Variants in AKT3 observed in about 807,000 individuals in gnomAD.
AKT3 encodes AKT serine/threonine kinase 3, also known as RAC-gamma serine/threonine-protein kinase.
AKT3 carries 15 observed loss-of-function variants against 65.3 expected under a neutral mutation model. The observed-to-expected ratio is 0.23, with a 90% CI of 0.15 to 0.35. The LOEUF (loss-of-function observed/expected upper bound fraction) is 0.35, where lower values mean the gene tolerates loss of function less well. AKT3 is among the 10% of genes least tolerant of loss of function. AKT3 has a pLI of 1.00. For missense variants in AKT3, 243 were observed against 576.5 expected (o/e 0.42, Z 5.92); for synonymous variants, 206 against 183.8 (o/e 1.12, Z -0.98).
intron 2 of AKT3, among the ~76,000 whole-genome samples, chr1:243,816,537 C>T (rs558579870): frequency 3.4e-4 from 51 of 151,954 alleles, no homozygotes; most frequent in Non-Finnish European, 6.3e-4. Context: ...AAATAGATTA[C>T]ATAAAGTTAA....
At chr1:243,492,295 C>CTTGTTT (rs1553382284) in intron 13 of AKT3, among the ~76,000 whole-genome samples, 1 of 63,120 alleles carries the variant, frequency 1.6e-5, no homozygotes, top group Non-Finnish European at 2.6e-5. Flanking sequence ...CGTTTCTTGG[C>CTTGTTT]TTTTTTTTTT....
intron 2 of AKT3, among the ~76,000 whole-genome samples, chr1:243,779,321 A>G (rs1690760763): frequency 1.3e-5 from 2 of 152,076 alleles, no homozygotes; most frequent in African/African-American, 4.8e-5. Flanking sequence ...TAAAGTTTGT[A>G]GGGACTCCTA....
intron 9 of AKT3, among the ~76,000 whole-genome samples, chr1:243,571,519 A>C (rs1374621605): frequency 6.6e-6 from 1 of 152,174 alleles, no homozygotes; most frequent in Non-Finnish European, 1.5e-5. Flanking sequence ...ATTTCCTTAA[A>C]TCTAAGCCTC....
intron 2 of AKT3, among the ~76,000 whole-genome samples, chr1:243,720,084 G>A (rs971552128): frequency 2.0e-5 from 3 of 152,064 alleles, no homozygotes; most frequent in African/African-American, 7.2e-5. Flanking sequence ...AGGCTGTGGT[G>A]GGCAGATCAC....
At chr1:243,623,486 T>C (rs938258843) in intron 6 of AKT3, among the ~76,000 whole-genome samples, 4 of 152,030 alleles carry the variant, frequency 2.6e-5, no homozygotes, top group Non-Finnish European at 5.9e-5. Flanking sequence ...TCACCCACAA[T>C]GTGAGCAGAC....
At chr1:243,612,180 C>T (rs530943106) in intron 8 of AKT3, among the ~76,000 whole-genome samples, 3 of 152,148 alleles carry the variant, frequency 2.0e-5, no homozygotes, top group Admixed American at 1.3e-4. Context: ...ATGACCATGG[C>T]TCACTGCAGC....
At chr1:243,624,186 C>T (rs1198257643) in intron 6 of AKT3, among the ~76,000 whole-genome samples, 2 of 152,124 alleles carry the variant, frequency 1.3e-5, no homozygotes, top group Admixed American at 6.5e-5. Context: ...ACTCTGATGC[C>T]TAAATGGGTA....
intron 2 of AKT3, among the ~76,000 whole-genome samples, chr1:243,802,936 G>A (rs956012721): frequency 6.6e-6 from 1 of 152,192 alleles, no homozygotes; most frequent in African/African-American, 2.4e-5. Flanking sequence ...ATCGCTTGAG[G>A]CCAGGAGTTT....
chr1:243,728,857 A>T (rs1643413573), intron 2 of AKT3, among the ~76,000 whole-genome samples: 2 of 152,198 alleles, frequency 1.3e-5, no homozygotes, highest in South Asian at 2.1e-4. Context: ...AGGGAAACTT[A>T]GTTTTTCCTT....
At chr1:243,630,975 T>TA (rs1679563054) in intron 6 of AKT3, among the ~76,000 whole-genome samples, 1 of 35,586 alleles carries the variant, frequency 2.8e-5, no homozygotes, top group Non-Finnish European at 1.5e-4. Context: ...AAATAGCCTC[T>TA]TTTTTTTTTT....
chr1:243,750,009 C>T lies in AKT3; in HGVS notation c.47-54293G>A, dbSNP rs189053048. On this transcript the variant is annotated intron_variant, in intron 2 of 13. Coordinates refer to ENST00000673466, the MANE Select transcript of AKT3 (RefSeq NM_005465.7). ...TTCTCTTCCAATCTCCCTCATAACT[C>T]CTTCTCTGCTTTCTTCTCCTTCTCA... 4.7e-4 allele frequency among the ~76,000 whole-genome samples: 71 copies of T among 152,282 alleles called. 2 individuals are homozygous for T. In the East Asian group the frequency reaches 0.013, roughly 28 times the overall value.
intron 2 of AKT3, among the ~76,000 whole-genome samples, chr1:243,735,375 T>C (rs1464945116): frequency 6.6e-6 from 1 of 152,218 alleles, no homozygotes; most frequent in Non-Finnish European, 1.5e-5. Context: ...TATAATCTTA[T>C]GGGATCGCTG....
intron 2 of AKT3, among the ~76,000 whole-genome samples, chr1:243,773,862 C>T (rs569383326): frequency 1.3e-5 from 2 of 152,282 alleles, no homozygotes; most frequent in East Asian, 3.9e-4. Flanking sequence ...TTGAATTTTA[C>T]CATAAGAAAA....
At chr1:243,687,099 AC>A (rs1684380472) in intron 3 of AKT3, among the ~76,000 whole-genome samples, 2 of 152,116 alleles carry the variant, frequency 1.3e-5, no homozygotes, top group African/African-American at 4.8e-5. Context: ...AAGCAGTAGA[AC>A]CTAGTCCCAA....
intron 2 of AKT3, among the ~76,000 whole-genome samples, chr1:243,817,467 G>A (rs560703159): frequency 6.6e-6 from 1 of 152,342 alleles, no homozygotes; most frequent in African/African-American, 2.4e-5. Context: ...GAGGCCAGGC[G>A]TGGTGGCTCA....
chr1:243,518,420 T>A (rs1177656633), intron 12 of AKT3, among the ~76,000 whole-genome samples: 2 of 151,800 alleles, frequency 1.3e-5, no homozygotes, highest in Non-Finnish European at 2.9e-5. Context: ...AGATCAGGAG[T>A]TTGAGACCAG....
chr1:243,746,433 G>T (rs1164468785), intron 2 of AKT3, among the ~76,000 whole-genome samples: 1 of 152,092 alleles, frequency 6.6e-6, no homozygotes, highest in Admixed American at 6.5e-5. Context: ...ACTTGATACA[G>T]CCAGTTAAAG....
chr1:243,648,917 A>G (rs761516887), intron 4 of AKT3, among the ~76,000 whole-genome samples: 5 of 151,484 alleles, frequency 3.3e-5, no homozygotes, highest in Non-Finnish European at 5.9e-5. Context: ...CTATTTCACT[A>G]ATTTCTGATT....
chr1:243,525,065 T>C (rs1286447781), intron 12 of AKT3, among the ~76,000 whole-genome samples: 2 of 152,120 alleles, frequency 1.3e-5, no homozygotes, highest in East Asian at 3.9e-4. Context: ...GAGGTGAAAT[T>C]CCAGAAAAGA....
Sources: allele counts gnomAD v4.1 joint callset (sites outside exome capture counted in the v4.1 genomes callset), GRCh38; gene constraint gnomAD v4.1.1; transcripts MANE v1.5; gene names NCBI Gene and HGNC (gene_info 2026-07-23, HGNC 2026-07-21).